The following NCKAP5 variants were observed in gnomAD, a reference collection of about 807,000 sequenced individuals.
NCKAP5 encodes NCK associated protein 5.
A neutral mutation model predicts 167.0 loss-of-function variants in NCKAP5; 92 were observed. That is an observed-to-expected ratio of 0.55 (90% CI 0.47 to 0.66). NCKAP5 has a LOEUF of 0.66. Ranked by LOEUF, NCKAP5 falls within the 30% of genes least tolerant of loss-of-function variation. The pLI is 0.00. For missense variants in NCKAP5, 2,378 were observed against 2,315.0 expected (o/e 1.03, Z -0.56); for synonymous variants, 891 against 877.4 (o/e 1.02, Z -0.27).
intron 12 of NCKAP5, among the ~76,000 whole-genome samples, chr2:132,796,325 T>C (rs565290557): frequency 1.3e-5 from 2 of 152,242 alleles, no homozygotes; most frequent in African/African-American, 4.8e-5. Flanking sequence ...ATATGGGACG[T>C]GGGTTTTAAT....
At chr2:133,309,687 T>C (rs1681093270) in intron 3 of NCKAP5, among the ~76,000 whole-genome samples, 1 of 152,222 alleles carries the variant, frequency 6.6e-6, no homozygotes, top group Non-Finnish European at 1.5e-5. Context: ...ATTAGAGGTT[T>C]ATAGATACAC....
chr2:132,834,358 T>A (rs1687731259), intron 11 of NCKAP5, among the ~76,000 whole-genome samples: 1 of 152,002 alleles, frequency 6.6e-6, no homozygotes, highest in Non-Finnish European at 1.5e-5. Flanking sequence ...TGTTTGTTTG[T>A]TTTTGAGATG....
At position 133,162,380 on chromosome 2, in the gene NCKAP5, T is replaced by G. The variant is rs368287976; in HGVS notation, c.208-32269A>C. Among the ~76,000 whole-genome samples the G allele has an allele frequency of 5.3e-5, 8 of 152,370 alleles. 1 individual carries two copies. The East Asian group carries it at 1.3e-3, about 26-fold the overall frequency. ...ATTTAAAAAGTACTGTACCAACATTTACAAGAGTTGTAGCATCTTAAGTTG... is the reference window on the plus strand; with the variant it reads ...ATTTAAAAAGTACTGTACCAACATTGACAAGAGTTGTAGCATCTTAAGTTG... On this transcript the variant is annotated intron_variant, in intron 5 of 19. Coordinates refer to ENST00000409261, the MANE Select transcript of NCKAP5 (RefSeq NM_207363.3).
At chr2:132,736,095 A>G (rs1161907910) in intron 16 of NCKAP5, among the ~76,000 whole-genome samples, 1 of 152,172 alleles carries the variant, frequency 6.6e-6, no homozygotes, top group African/African-American at 2.4e-5. Flanking sequence ...TTATTTCTAG[A>G]AATTACAGAT....
At chr2:132,812,254 T>C (rs1685937082) in intron 11 of NCKAP5, among the ~76,000 whole-genome samples, 1 of 152,232 alleles carries the variant, frequency 6.6e-6, no homozygotes, top group Non-Finnish European at 1.5e-5. Context: ...CTGCCTTGTC[T>C]GGAGCTGCAA....
At chr2:132,792,091 T>C (rs1368443444) in intron 12 of NCKAP5, among the ~76,000 whole-genome samples, 1 of 152,112 alleles carries the variant, frequency 6.6e-6, no homozygotes, top group African/African-American at 2.4e-5. Context: ...TCACTCTTGT[T>C]GCCCAGGCTG....
At chr2:132,770,505 G>A (rs928042870) in intron 16 of NCKAP5, among the ~76,000 whole-genome samples, 1 of 149,822 alleles carries the variant, frequency 6.7e-6, no homozygotes, top group African/African-American at 2.4e-5. Flanking sequence ...GGATTGTCAG[G>A]CTTTTTTGTT....
intron 6 of NCKAP5, among the ~76,000 whole-genome samples, chr2:133,090,862 G>A (rs1161125924): frequency 1.3e-5 from 2 of 152,066 alleles, no homozygotes; most frequent in Non-Finnish European, 2.9e-5. Context: ...CCACTCCACT[G>A]TCCTTCCCAG....
intron 11 of NCKAP5, among the ~76,000 whole-genome samples, chr2:132,808,737 C>T (rs970659525): frequency 6.6e-6 from 1 of 151,762 alleles, no homozygotes; most frequent in Admixed American, 6.6e-5. Context: ...ATCTTTTCAT[C>T]TTTTGTATTT....
the NCKAP5 span, among the ~76,000 whole-genome samples, chr2:133,673,411 C>T: frequency 6.6e-6 from 1 of 152,154 alleles, no homozygotes; most frequent in Non-Finnish European, 1.5e-5. Flanking sequence ...TCTGCGTTCA[C>T]ACATGTCTCT....
chr2:132,895,387 A>G (rs563124753), intron 8 of NCKAP5, among the ~76,000 whole-genome samples: 4 of 151,280 alleles, frequency 2.6e-5, no homozygotes, highest in Non-Finnish European at 4.4e-5. Context: ...AGATCTGGCC[A>G]TGAGAGAGAA....
At chr2:133,570,091 TG>T (rs1688808516), upstream of NCKAP5, among the ~76,000 whole-genome samples, 1 of 152,230 alleles carries the variant, frequency 6.6e-6, no homozygotes, top group South Asian at 2.1e-4. Context: ...TATACTGATG[TG>T]GACAGAAGTA....
intron 3 of NCKAP5, among the ~76,000 whole-genome samples, chr2:133,487,447 T>G (rs1486607895): frequency 6.6e-6 from 1 of 152,170 alleles, no homozygotes; most frequent in South Asian, 2.1e-4. Flanking sequence ...TTAGTTGTGT[T>G]TTCTAGAGCA....
chr2:133,266,604 G>T (rs2089239232), intron 4 of NCKAP5, among the ~76,000 whole-genome samples: 15 of 152,138 alleles, frequency 9.9e-5, no homozygotes, highest in Admixed American at 9.8e-4. Flanking sequence ...CACTTCGGGG[G>T]CAGCAAGGCG....
At chr2:133,033,492 A>G (rs1265220806) in intron 6 of NCKAP5, among the ~76,000 whole-genome samples, 3 of 152,236 alleles carry the variant, frequency 2.0e-5, no homozygotes, top group East Asian at 3.9e-4. Context: ...CCAGGAAAGC[A>G]TGACCTCACC....
chr2:133,269,234 TCAAA>T (rs2089397851), intron 4 of NCKAP5, among the ~76,000 whole-genome samples: 1 of 152,138 alleles, frequency 6.6e-6, no homozygotes, highest in Non-Finnish European at 1.5e-5. Context: ...GAAGGAAAAA[TCAAA>T]CAAAAATTTT....
intron 16 of NCKAP5, among the ~76,000 whole-genome samples, chr2:132,769,069 C>G (rs536846553): frequency 7.3e-5 from 11 of 151,702 alleles, no homozygotes; most frequent in Admixed American, 1.3e-4. Context: ...TTCAGCATCC[C>G]GAGTAGCTGG....
chr2:133,566,046 A>C (rs1688530270), intron 1 of NCKAP5, among the ~76,000 whole-genome samples: 1 of 152,180 alleles, frequency 6.6e-6, no homozygotes, highest in African/African-American at 2.4e-5. Flanking sequence ...CACCACTTGG[A>C]CCAGGAGAGT....
chr2:133,484,997 C>T (rs1404703059), intron 3 of NCKAP5, among the ~76,000 whole-genome samples: 1 of 152,140 alleles, frequency 6.6e-6, no homozygotes, highest in Non-Finnish European at 1.5e-5. Context: ...TTAGTTTCCT[C>T]ATCTGCAAAC....
Sources: gnomAD v4.1 joint callset for allele counts (sites outside exome capture counted in the v4.1 genomes callset) on GRCh38, gnomAD v4.1.1 for gene constraint, MANE v1.5 for transcripts, NCBI Gene and HGNC (gene_info 2026-07-23, HGNC 2026-07-21) for gene names.